LARGE1: variants seen among roughly 807,000 people sequenced by gnomAD.
LARGE1 encodes xylosyl- and glucuronyltransferase LARGE1.
Under a neutral mutation model 87.6 loss-of-function variants are expected in LARGE1, and 43 were observed. The observed-to-expected ratio is 0.49, with a 90% CI of 0.38 to 0.63. The LOEUF (loss-of-function observed/expected upper bound fraction) is 0.63. LARGE1 is among the 30% of genes least tolerant of loss of function. LARGE1 has a pLI of 0.00. For missense variants in LARGE1, 802 were observed against 1,000.2 expected, an observed-to-expected ratio of 0.80 and a Z score of 2.67; for synonymous variants, 434 against 394.6, an observed-to-expected ratio of 1.10 and a Z score of -1.18.
chr22:33,857,942 G>C (rs917034674), intron 1 of LARGE1, among the ~76,000 whole-genome samples: 1 of 152,140 alleles, frequency 6.6e-6, no homozygotes, highest in Non-Finnish European at 1.5e-5. Context: ...TCCCAAGATC[G>C]TGGCGGGCCG....
At chr22:33,855,110 G>A (rs1010170559) in intron 1 of LARGE1, among the ~76,000 whole-genome samples, 1 of 152,110 alleles carries the variant, frequency 6.6e-6, no homozygotes, top group African/African-American at 2.4e-5. Context: ...CGAGAAGGGC[G>A]GATTATGAGG....
chr22:33,919,306 G>A (rs2267324), intron 1 of LARGE1, among the ~76,000 whole-genome samples: 1 of 152,086 alleles, frequency 6.6e-6, no homozygotes, highest in Non-Finnish European at 1.5e-5. Context: ...ATTTAAAAGA[G>A]GATAAGGCAA....
intron 1 of LARGE1, among the ~76,000 whole-genome samples, chr22:33,865,991 G>C (rs1348089087): frequency 6.6e-6 from 1 of 151,554 alleles, no homozygotes; most frequent in Non-Finnish European, 1.5e-5. Flanking sequence ...TGGGACTACA[G>C]ATGCACACCA....
chr22:33,306,089 C>A (rs749563143), intron 11 of LARGE1, among the ~76,000 whole-genome samples: 1 of 152,092 alleles, frequency 6.6e-6, no homozygotes, highest in East Asian at 1.9e-4. Flanking sequence ...CGTGATCCGC[C>A]CACCTCGGCC....
chr22:33,775,327 T>C (rs61189687), intron 1 of LARGE1, among the ~76,000 whole-genome samples: 4,922 of 152,304 alleles, frequency 0.032, 246 homozygotes, highest in African/African-American at 0.11. Flanking sequence ...TCCAGCTTCA[T>C]ACCCTGGCAT....
chr22:33,878,129 C>CTTTTTTGTTTTTTTTTTTTTTTT (rs2064532497), intron 1 of LARGE1, among the ~76,000 whole-genome samples: 1 of 44,652 alleles, frequency 2.2e-5, no homozygotes, highest in Non-Finnish European at 5.1e-5. Context: ...TATTGTATTT[C>CTTTTTTGTTTTTTTTTTTTTTTT]TTTTTTTTTT....
intron 1 of LARGE1, among the ~76,000 whole-genome samples, chr22:33,777,261 A>G (rs2085267056): frequency 6.6e-6 from 1 of 152,164 alleles, no homozygotes; most frequent in African/African-American, 2.4e-5. Context: ...TTGAATGCTC[A>G]GTGAAGGAGA....
intron 6 of LARGE1, among the ~76,000 whole-genome samples, chr22:33,514,752 TG>T (rs1189905695): frequency 6.6e-6 from 1 of 152,138 alleles, no homozygotes; most frequent in East Asian, 1.9e-4. Context: ...AGTCTACACG[TG>T]GAGGAGAGAC....
chr22:33,719,523 A>ATT lies in LARGE1; in HGVS notation c.106+41846_106+41847dup, dbSNP rs1056786827. Reference sequence around the variant, plus strand: ...TATTTATTTATTTATTTATTTATTTATTTATTTATTTTTTTGAGACAGAGT... The same window carrying ATT: ...TATTTATTTATTTATTTATTTATTTATTTTTATTTATTTTTTTGAGACAGAGT... On this transcript the variant is annotated intron_variant, in intron 2 of 14. Transcript: ENST00000397394. 3.0e-4 allele frequency among the ~76,000 whole-genome samples: 45 copies of ATT among 150,534 alleles called. No homozygotes were observed. The South Asian group carries it at 4.6e-3, about 16-fold the overall frequency.
chr22:33,132,296 C>A, the LARGE1 span, among the ~76,000 whole-genome samples: 2,221 of 151,974 alleles, frequency 0.015, 36 homozygotes, highest in Admixed American at 0.054. Context: ...GGATCCTCCC[C>A]CCTCAGCCTC....
At chr22:33,647,827 G>C (rs1481093511) in intron 3 of LARGE1, among the ~76,000 whole-genome samples, 2 of 151,848 alleles carry the variant, frequency 1.3e-5, no homozygotes, top group African/African-American at 2.4e-5. Flanking sequence ...GCACCATCTC[G>C]GCTCACTGCA....
At chr22:33,530,370 A>G (rs2072135998) in intron 6 of LARGE1, among the ~76,000 whole-genome samples, 1 of 152,130 alleles carries the variant, frequency 6.6e-6, no homozygotes, top group South Asian at 2.1e-4. Flanking sequence ...GAGATTATAT[A>G]AATAACATCT....
In LARGE1 at chr22:33,430,410, G is replaced by A. The variant is rs556841271; in HGVS notation, c.892+1751C>T. On this transcript the variant is annotated intron_variant, in intron 7 of 14. Transcript: ENST00000397394. ...AACCACTGCTCTGATGCCCTCAGCT[G>A]CCTTTCCCCAACCTGGCCCCTCTCA... is the stretch of plus-strand genomic sequence containing the variant. 5.9e-5 allele frequency among the ~76,000 whole-genome samples: 9 copies of A among 152,238 alleles called. No homozygotes were observed. The East Asian group carries it at 7.7e-4, about 13-fold the overall frequency.
At chr22:33,827,325 G>A (rs2062827083) in intron 1 of LARGE1, among the ~76,000 whole-genome samples, 4 of 151,866 alleles carry the variant, frequency 2.6e-5, no homozygotes, top group East Asian at 1.9e-4. Flanking sequence ...AGCCGAGATC[G>A]CACTACTGTA....
chr22:33,763,169 G>T (rs947429150), intron 1 of LARGE1, among the ~76,000 whole-genome samples: 1 of 152,180 alleles, frequency 6.6e-6, no homozygotes, highest in Non-Finnish European at 1.5e-5. Context: ...AGCTGCAGGT[G>T]CCTGATAACT....
chr22:33,329,465 G>C (rs564565105), intron 10 of LARGE1, among the ~76,000 whole-genome samples: 1 of 152,028 alleles, frequency 6.6e-6, no homozygotes, highest in South Asian at 2.1e-4. Context: ...GGCTGCCTTG[G>C]AAAGAAGGAA....
chr22:33,599,474 A>G (rs1420957296), intron 5 of LARGE1, among the ~76,000 whole-genome samples: 1 of 152,190 alleles, frequency 6.6e-6, no homozygotes, highest in Non-Finnish European at 1.5e-5. Flanking sequence ...GAGGCCGGAA[A>G]CAAATGGGCC....
chr22:33,820,395 C>T (rs750648111), intron 1 of LARGE1, among the ~76,000 whole-genome samples: 11 of 152,036 alleles, frequency 7.2e-5, no homozygotes, highest in Non-Finnish European at 1.6e-4. Flanking sequence ...AATCCTAGCT[C>T]GCTATAGCCT....
At position 33,735,740 on chromosome 22, in the gene LARGE1, A is replaced by G. The variant is rs113172865; in HGVS notation, c.106+25631T>C. 2.3e-3 allele frequency among the ~76,000 whole-genome samples: 346 copies of G among 152,272 alleles called. 2 individuals carry two copies. The highest frequency in any genetic ancestry group is 7.9e-3 in the African/African-American group (328 of 41,544). ...TCAGAGTTGTGCAGCCATCACCGCT[A>G]TCTAATTCCGTAGCATTTTAATCAC... is the stretch of plus-strand genomic sequence containing the variant. On this transcript the variant is annotated intron_variant, in intron 2 of 14. Coordinates refer to ENST00000397394, the MANE Select transcript of LARGE1 (RefSeq NM_133642.5).
Sources: allele counts gnomAD v4.1 joint callset (sites outside exome capture counted in the v4.1 genomes callset), GRCh38; gene constraint gnomAD v4.1.1; transcripts MANE v1.5; gene names NCBI Gene and HGNC (gene_info 2026-07-23, HGNC 2026-07-21).